Variants in FMN1 observed in about 807,000 individuals in gnomAD.
FMN1 encodes the protein formin-1.
In FMN1, 110 loss-of-function variants were observed where a neutral mutation model predicts 132.4. The ratio of observed to expected loss-of-function variants is 0.83; its 90% CI spans 0.71 to 0.97. The LOEUF (loss-of-function observed/expected upper bound fraction) is 0.97, where lower values mean the gene tolerates loss of function less well. Ranked by LOEUF, FMN1 falls within the 50% of genes least tolerant of loss-of-function variation. FMN1 has a pLI of 0.00. For synonymous variants in FMN1, 722 were observed against 651.7 expected (o/e 1.11, Z -1.64); for missense variants, 1,792 against 1,705.3 (o/e 1.05, Z -0.90).
chr15:32,989,032 T>C (rs527999437), intron 7 of FMN1, among the ~76,000 whole-genome samples: 28 of 152,314 alleles, frequency 1.8e-4, no homozygotes, highest in African/African-American at 6.5e-4. Context: ...AAATATCTTT[T>C]AAAAAACCTT....
intron 16 of FMN1, among the ~76,000 whole-genome samples, chr15:32,872,442 CATCTT>C (rs1401180338): frequency 2.0e-5 from 3 of 152,230 alleles, no homozygotes; most frequent in Non-Finnish European, 2.9e-5. Context: ...TATAGCAACA[CATCTT>C]ATCCACTGCT....
intron 4 of FMN1, among the ~76,000 whole-genome samples, chr15:33,122,847 AAG>A (rs1407934325): frequency 1.3e-5 from 2 of 152,230 alleles, no homozygotes; most frequent in African/African-American, 4.8e-5. Context: ...TAGGAATAGA[AAG>A]AGATTGACAT....
chr15:32,921,405 GAAA>G, intron 10 of FMN1, among the ~76,000 whole-genome samples: 1 of 152,286 alleles, frequency 6.6e-6, no homozygotes, highest in East Asian at 1.9e-4. Flanking sequence ...GGGACAAAGT[GAAA>G]TAAGAGATCT....
chr15:32,807,799 G>A (rs755743908), intron 17 of FMN1, among the ~76,000 whole-genome samples: 3 of 152,126 alleles, frequency 2.0e-5, no homozygotes, highest in Non-Finnish European at 4.4e-5. Context: ...TAGGGAAAAG[G>A]GCCTTCAGGA....
At chr15:33,107,539 T>A (rs1440751495) in intron 4 of FMN1, among the ~76,000 whole-genome samples, 1 of 152,106 alleles carries the variant, frequency 6.6e-6, no homozygotes, top group East Asian at 1.9e-4. Flanking sequence ...CTTCTTGCTG[T>A]TTTGTAATGA....
intron 8 of FMN1, among the ~76,000 whole-genome samples, chr15:32,966,672 G>A (rs980629708): frequency 6.6e-6 from 1 of 152,186 alleles, no homozygotes. Flanking sequence ...AGCAATTTAG[G>A]TAGATGAGAG....
intron 16 of FMN1, among the ~76,000 whole-genome samples, chr15:32,861,147 T>C (rs1055476410): frequency 6.6e-6 from 1 of 152,208 alleles, no homozygotes; most frequent in Non-Finnish European, 1.5e-5. Context: ...ATTTCATTTA[T>C]ATAGAATTGT....
intron 17 of FMN1, among the ~76,000 whole-genome samples, chr15:32,835,007 G>C (rs2058589387): frequency 6.6e-6 from 1 of 152,240 alleles, no homozygotes. Context: ...TACTCTCAGA[G>C]GGAAGGCATC....
intron 6 of FMN1, among the ~76,000 whole-genome samples, chr15:33,056,867 A>G (rs114258090): frequency 0.011 from 1,640 of 152,338 alleles, 24 homozygotes; most frequent in African/African-American, 0.038. Flanking sequence ...GAGTTAATTT[A>G]TATTAAGTTC....
At chr15:32,906,662 A>C (rs1161006149) in intron 12 of FMN1, among the ~76,000 whole-genome samples, 1 of 152,334 alleles carries the variant, frequency 6.6e-6, no homozygotes, top group East Asian at 1.9e-4. Context: ...TTCAGTGTTG[A>C]AACAGCCCAT....
intron 4 of FMN1, among the ~76,000 whole-genome samples, chr15:33,143,086 G>A: frequency 6.6e-6 from 1 of 152,152 alleles, no homozygotes; most frequent in East Asian, 1.9e-4. Context: ...ATGTTGTAAA[G>A]TTATTCCATT....
At chr15:32,898,585 G>C (rs2060215480) in intron 15 of FMN1, among the ~76,000 whole-genome samples, 2 of 152,204 alleles carry the variant, frequency 1.3e-5, no homozygotes, top group South Asian at 4.1e-4. Context: ...CACTGAGGCA[G>C]CTAGGGGTCT....
chr15:33,073,502 A>G (rs543623857), intron 5 of FMN1, among the ~76,000 whole-genome samples: 1 of 152,326 alleles, frequency 6.6e-6, no homozygotes, highest in African/African-American at 2.4e-5. Context: ...GGGTAGGTTA[A>G]TGGGTGAAAT....
chr15:32,829,687 A>C (rs1596029070), intron 17 of FMN1, among the ~76,000 whole-genome samples: 1 of 152,332 alleles, frequency 6.6e-6, no homozygotes, highest in East Asian at 1.9e-4. Flanking sequence ...CAGCTTACAA[A>C]AGCAATAAGG....
At chr15:32,878,755 T>C (rs922474951) in intron 16 of FMN1, among the ~76,000 whole-genome samples, 4 of 152,222 alleles carry the variant, frequency 2.6e-5, no homozygotes, top group South Asian at 2.1e-4. Flanking sequence ...AAGCAAGGAT[T>C]TGAATTCAGG....
intron 9 of FMN1, among the ~76,000 whole-genome samples, chr15:32,949,942 T>TATATATATATATATATATATACACACAC (rs2061589297): frequency 4.8e-5 from 2 of 41,796 alleles, no homozygotes; most frequent in Non-Finnish European, 9.0e-5. Context: ...CCAAAAAGCA[T>TATATATATATATATATATATACACACAC]ATATATATAT....
At chr15:32,811,508 C>T (rs1194559324) in intron 17 of FMN1, among the ~76,000 whole-genome samples, 8 of 151,732 alleles carry the variant, frequency 5.3e-5, no homozygotes, top group Admixed American at 3.9e-4. Flanking sequence ...TGTCACTACA[C>T]TCTGAAGAGG....
chr15:32,794,347 T>C (rs1178937701), intron 19 of FMN1, among the ~76,000 whole-genome samples: 1 of 152,230 alleles, frequency 6.6e-6, no homozygotes, highest in Admixed American at 6.5e-5. Flanking sequence ...AATGGCACTT[T>C]TAAAGTTTGC....
intron 4 of FMN1, among the ~76,000 whole-genome samples, chr15:33,127,702 A>AT (rs774450119): frequency 6.6e-6 from 1 of 152,234 alleles, no homozygotes; most frequent in Non-Finnish European, 1.5e-5. Flanking sequence ...GACGTAAGCT[A>AT]TGCTGAACCT....
Sources: gnomAD v4.1 joint callset for allele counts (sites outside exome capture counted in the v4.1 genomes callset) on GRCh38, gnomAD v4.1.1 for gene constraint, MANE v1.5 for transcripts, NCBI Gene and HGNC (gene_info 2026-07-23, HGNC 2026-07-21) for gene names.